Variants in IPO11 observed in about 807,000 individuals in gnomAD.
IPO11 encodes importin-11.
In IPO11, 66 loss-of-function variants were observed where a neutral mutation model predicts 143.2. The observed-to-expected ratio is 0.46, with a 90% CI of 0.38 to 0.57. IPO11 has a LOEUF of 0.57. IPO11 is among the 20% of genes least tolerant of loss of function. IPO11 has a pLI of 0.00. For missense variants in IPO11, 1,026 were observed against 1,141.0 expected, an observed-to-expected ratio of 0.90 and a Z score of 1.45; for synonymous variants, 385 against 377.8, an observed-to-expected ratio of 1.02 and a Z score of -0.22.
At chr5:62,621,042 C>T (rs1746345417) in intron 29 of IPO11, among the ~76,000 whole-genome samples, 1 of 152,188 alleles carries the variant, frequency 6.6e-6, no homozygotes, top group East Asian at 1.9e-4. Flanking sequence ...TGAATAATGG[C>T]ACTTATCATT....
At chr5:62,608,150 A>G (rs970564446) in intron 29 of IPO11, among the ~76,000 whole-genome samples, 1 of 151,920 alleles carries the variant, frequency 6.6e-6, no homozygotes, top group African/African-American at 2.4e-5. Flanking sequence ...CAAACCTTGA[A>G]CTCCAACATT....
At chr5:62,526,879 A>G (rs978330647) in intron 21 of IPO11, 2 of 152,258 alleles carry the variant, frequency 1.3e-5, no homozygotes, top group Non-Finnish European at 2.9e-5. Context: ...AAAAGTTTCA[A>G]AATCCCATTT....
chr5:62,556,582 T>TAA (rs968419144), intron 26 of IPO11, among the ~76,000 whole-genome samples: 1 of 152,030 alleles, frequency 6.6e-6, no homozygotes, highest in African/African-American at 2.4e-5. Context: ...CTACAAAAAC[T>TAA]AAAAATAAAT....
chr5:62,581,476 A>T, intron 27 of IPO11: 1 of 589,392 alleles, frequency 1.7e-6, no homozygotes, highest in Non-Finnish European at 2.9e-6. Context: ...TTTAGCAAAT[A>T]TTTTCTTTGA....
intron 28 of IPO11, among the ~76,000 whole-genome samples, chr5:62,594,771 T>A (rs1013051140): frequency 1.3e-5 from 2 of 152,164 alleles, no homozygotes; most frequent in African/African-American, 4.8e-5. Context: ...GTCTCTCACC[T>A]GAGAGAGCCC....
chr5:62,452,046 C>G, intron 5 of IPO11, 113 bp downstream of exon 5: 3 of 765,996 alleles, frequency 3.9e-6, no homozygotes, highest in Non-Finnish European at 6.5e-6. Context: ...ATCACGAGGT[C>G]AGGCCTGGCC....
chr5:62,591,553 T>C (rs1745012843), intron 27 of IPO11, 24 bp from the exon 28 acceptor site: 2 of 1,352,020 alleles, frequency 1.5e-6, no homozygotes, highest in South Asian at 2.6e-5. Flanking sequence ...CCAGTTAACC[T>C]GTTTTGCTTT....
intron 27 of IPO11, among the ~76,000 whole-genome samples, chr5:62,571,459 A>T (rs1744128448): frequency 1.3e-5 from 2 of 152,208 alleles, no homozygotes; most frequent in African/African-American, 4.8e-5. Flanking sequence ...CCACTCAGTA[A>T]ATCATTGTTT....
intron 24 of IPO11, among the ~76,000 whole-genome samples, chr5:62,548,039 C>T (rs1743265432): frequency 6.6e-6 from 1 of 150,982 alleles, no homozygotes; most frequent in South Asian, 2.1e-4. Flanking sequence ...CTGTGTTGTT[C>T]CTTCATGAGT....
Position 62,450,848 on chromosome 5 carries a change from G to GT in IPO11, c.312+855dup, listed in dbSNP as rs200973116. 7.3e-3 allele frequency among the ~76,000 whole-genome samples: 1,103 copies of GT among 152,108 alleles called. 14 individuals are homozygous for GT. Among genetic ancestry groups the GT allele is most frequent in the African/African-American group, 0.025 (1,038 of 41,500 alleles). On this transcript the variant is annotated intron_variant, in intron 4 of 29. Coordinates refer to ENST00000325324, the MANE Select transcript of IPO11 (RefSeq NM_016338.5). ...TACTTATAGGTACAATAATTCTTAA[G>GT]TTTTTTCAAGATAATACTTGGTTAT...
intron 13 of IPO11, among the ~76,000 whole-genome samples, chr5:62,488,406 C>A (rs189607422): frequency 6.6e-6 from 1 of 152,162 alleles, no homozygotes. Flanking sequence ...CAGTGCTGGG[C>A]ATATTCAGTA....
chr5:62,581,480 TCTTTGATATATA>T, intron 27 of IPO11: 1 of 581,814 alleles, frequency 1.7e-6, no homozygotes, highest in Non-Finnish European at 2.9e-6. Context: ...GCAAATATTT[TCTTTGATATATA>T]CTGTATTAAG....
At chr5:62,594,195 A>G (rs770004507) in intron 28 of IPO11, among the ~76,000 whole-genome samples, 1 of 152,212 alleles carries the variant, frequency 6.6e-6, no homozygotes, top group African/African-American at 2.4e-5. Flanking sequence ...AAATATGTAT[A>G]TATAAAGAAA....
intron 1 of IPO11, among the ~76,000 whole-genome samples, chr5:62,435,209 TG>T (rs1744171482): frequency 3.5e-5 from 2 of 57,106 alleles, no homozygotes; most frequent in Non-Finnish European, 8.5e-5. Flanking sequence ...TGTATATATA[TG>T]TGTATATATA....
intron 1 of IPO11, among the ~76,000 whole-genome samples, chr5:62,435,546 C>T (rs141105040): frequency 2.2e-3 from 341 of 152,092 alleles, no homozygotes; most frequent in African/African-American, 7.6e-3. Flanking sequence ...GCAGTGATCA[C>T]GTCACTGTGT....
intron 26 of IPO11, among the ~76,000 whole-genome samples, chr5:62,558,923 C>G (rs1743670668): frequency 6.6e-6 from 1 of 152,154 alleles, no homozygotes; most frequent in Admixed American, 6.5e-5. Flanking sequence ...AAGTCATATA[C>G]ATTTTTTGGC....
intron 28 of IPO11, among the ~76,000 whole-genome samples, chr5:62,599,738 T>A (rs1346648595): frequency 6.6e-6 from 1 of 152,228 alleles, no homozygotes; most frequent in Non-Finnish European, 1.5e-5. Context: ...TCATTCCTAT[T>A]TTAAACTGTT....
intron 5 of IPO11, among the ~76,000 whole-genome samples, chr5:62,460,055 A>G (rs1745301565): frequency 6.6e-6 from 1 of 152,192 alleles, no homozygotes; most frequent in South Asian, 2.1e-4. Context: ...GAGCTATTTT[A>G]AAGGAATTTA....
At chr5:62,449,476 G>A (rs1456616837) in intron 3 of IPO11, among the ~76,000 whole-genome samples, 1 of 151,518 alleles carries the variant, frequency 6.6e-6, no homozygotes, top group Non-Finnish European at 1.5e-5. Flanking sequence ...GAAGCCAATG[G>A]AGTGGCAATA....
Sources: allele counts gnomAD v4.1 joint callset (sites outside exome capture counted in the v4.1 genomes callset), GRCh38; gene constraint gnomAD v4.1.1; transcripts MANE v1.5; gene names NCBI Gene and HGNC (gene_info 2026-07-23, HGNC 2026-07-21).